FRAS1: variants seen among roughly 807,000 people sequenced by gnomAD.
FRAS1 encodes the protein extracellular matrix organizing protein FRAS1.
A neutral mutation model predicts 435.2 loss-of-function variants in FRAS1; 290 were observed. That is an observed-to-expected ratio of 0.67 (90% CI 0.61 to 0.73). FRAS1 has a LOEUF of 0.73. FRAS1 is among the 30% of genes least tolerant of loss of function. The probability of loss-of-function intolerance (pLI) is 0.00; values close to 1 mark genes in which losing one functional copy is unlikely to be tolerated. For missense variants in FRAS1, 4,860 were observed against 5,001.5 expected (o/e 0.97, Z 0.85); for synonymous variants, 1,800 against 1,851.0 (o/e 0.97, Z 0.71).
chr4:78,200,155 A>G (rs1235796910), intron 2 of FRAS1, among the ~76,000 whole-genome samples: 4 of 152,200 alleles, frequency 2.6e-5, no homozygotes, highest in Non-Finnish European at 5.9e-5. Context: ...TGGATCTGAT[A>G]CTGGATGATG....
intron 2 of FRAS1, among the ~76,000 whole-genome samples, chr4:78,133,062 G>A (rs1246249687): frequency 6.6e-6 from 1 of 152,150 alleles, no homozygotes; most frequent in Non-Finnish European, 1.5e-5. Context: ...GCAACAGAGC[G>A]AGACTCTGCC....
intron 70 of FRAS1, among the ~76,000 whole-genome samples, chr4:78,532,016 T>C (rs1721730845): frequency 6.6e-6 from 1 of 152,212 alleles, no homozygotes; most frequent in African/African-American, 2.4e-5. Context: ...ATTATTGAAA[T>C]AGCCTGTTAA....
At chr4:78,436,036 T>C (rs2109819776) in intron 38 of FRAS1, among the ~76,000 whole-genome samples, 1 of 152,280 alleles carries the variant, frequency 6.6e-6, no homozygotes, top group Non-Finnish European at 1.5e-5. Context: ...AATTTGACTA[T>C]ATTAAAAATT....
rs572053019 is a variant in FRAS1 at position 78,454,525 on chromosome 4, G to A, written c.6763+2171G>A. On this transcript the variant is annotated intron_variant, in intron 47 of 73. Transcript: ENST00000512123. ...GTCCGTAAGTTCCTGGGATAAGTTT[G>A]CAGAGCAGCACCCCCAAGACCTTGG... is the stretch of plus-strand genomic sequence containing the variant. 6.8e-4 allele frequency among the ~76,000 whole-genome samples: 103 copies of A among 152,322 alleles called. 1 individual carries two copies. The Middle Eastern group carries it at 0.024, about 35-fold the overall frequency.
chr4:78,378,787 A>T (rs187638430), intron 26 of FRAS1, among the ~76,000 whole-genome samples: 1 of 152,210 alleles, frequency 6.6e-6, no homozygotes, highest in South Asian at 2.1e-4. Context: ...CTTTGTAGAT[A>T]TATGATTTGC....
chr4:78,239,126 C>T (rs1449583609), intron 3 of FRAS1, among the ~76,000 whole-genome samples: 3 of 152,096 alleles, frequency 2.0e-5, no homozygotes, highest in African/African-American at 7.2e-5. Flanking sequence ...TAAATATTTA[C>T]TATCTGGCCC....
At chr4:78,156,672 C>A (rs1055443381) in intron 2 of FRAS1, among the ~76,000 whole-genome samples, 2 of 151,984 alleles carry the variant, frequency 1.3e-5, no homozygotes, top group Non-Finnish European at 2.9e-5. Flanking sequence ...TAAAAAATGA[C>A]CTCTTTCTTG....
rs965429246 is a variant in FRAS1 at position 78,114,609 on chromosome 4, T to C, written c.108+48593T>C. On this transcript the variant is annotated intron_variant, in intron 2 of 73. Transcript: ENST00000512123. ...GAAGCAATTGTGAATGGGGGTTCAC[T>C]CATGATTTGGCTCTCTGTTTGTCTG... 4.6e-5 allele frequency among the ~76,000 whole-genome samples: 7 copies of C among 151,764 alleles called. No homozygotes were observed. The East Asian group carries it at 9.6e-4, about 21-fold the overall frequency.
chr4:78,247,981 T>G (rs997651761), intron 4 of FRAS1, among the ~76,000 whole-genome samples: 6 of 152,168 alleles, frequency 3.9e-5, no homozygotes, highest in Non-Finnish European at 8.8e-5. Flanking sequence ...AGTGAAGGAC[T>G]GGCTGAGCTA....
At chr4:78,284,326 T>C in intron 12 of FRAS1, 79 bp from the exon 13 acceptor site, 2 of 1,459,522 alleles carry the variant, frequency 1.4e-6, no homozygotes, top group South Asian at 2.3e-5. Flanking sequence ...ACATACTTTG[T>C]AGATTCTTTT....
intron 61 of FRAS1, among the ~76,000 whole-genome samples, 165 bp downstream of exon 61, chr4:78,500,086 C>T (rs1183949629): frequency 1.3e-5 from 2 of 152,062 alleles, no homozygotes; most frequent in Non-Finnish European, 2.9e-5. Context: ...ATTTCTAATT[C>T]GTAAAAATGA....
At chr4:78,129,825 C>G (rs1159095585) in intron 2 of FRAS1, among the ~76,000 whole-genome samples, 1 of 152,170 alleles carries the variant, frequency 6.6e-6, no homozygotes, top group Non-Finnish European at 1.5e-5. Flanking sequence ...AAGACCCATT[C>G]TAATCTAGTT....
chr4:78,517,948 C>A (rs1241798941), intron 66 of FRAS1, among the ~76,000 whole-genome samples: 1 of 151,898 alleles, frequency 6.6e-6, no homozygotes. Context: ...TGGAAATTTT[C>A]TTTAAAAAGA....
intron 2 of FRAS1, among the ~76,000 whole-genome samples, chr4:78,220,669 A>G: frequency 6.6e-6 from 1 of 152,226 alleles, no homozygotes; most frequent in East Asian, 1.9e-4. Context: ...CAAAGCAACA[A>G]AATATTACAG....
At position 78,522,827 on chromosome 4, in the gene FRAS1, G is replaced by T. The variant is rs377751457; in HGVS notation, c.10808+19G>T. On this transcript the variant is annotated intron_variant, in intron 69 of 73. Transcript: ENST00000512123. ...ATAACAGGTAAATACAGTGATGGAG[G>T]CCTCCATGGGTAGAGCTGAATGGTT... The T allele has an allele frequency of 1.3e-6, 2 of 1,581,392 alleles. No individual in the cohort carries two copies. The highest frequency in any genetic ancestry group is 8.6e-7 in the Non-Finnish European group (1 of 1,165,814).
chr4:78,302,771 G>A (rs1728480712), intron 14 of FRAS1, among the ~76,000 whole-genome samples: 1 of 152,108 alleles, frequency 6.6e-6, no homozygotes, highest in African/African-American at 2.4e-5. Flanking sequence ...TTTGTCAGAT[G>A]AGTAGGCTGC....
At chr4:78,091,275 TG>T (rs1741505291) in intron 2 of FRAS1, among the ~76,000 whole-genome samples, 1 of 152,158 alleles carries the variant, frequency 6.6e-6, no homozygotes, top group Non-Finnish European at 1.5e-5. Flanking sequence ...GCCACTCCCT[TG>T]GGTCATGCCA....
At chr4:78,319,340 A>G (rs942096483) in intron 18 of FRAS1, 4 of 464,180 alleles carry the variant, frequency 8.6e-6, no homozygotes, top group Non-Finnish European at 1.7e-5. Flanking sequence ...GCTACTCTGA[A>G]TATGAATTGG....
At chr4:78,068,003 C>A (rs1380487575) in intron 2 of FRAS1, among the ~76,000 whole-genome samples, 2 of 151,702 alleles carry the variant, frequency 1.3e-5, no homozygotes, top group East Asian at 3.9e-4. Context: ...TGAACCTCTT[C>A]AAGCCTGAGA....
Sources: gnomAD v4.1 joint callset for allele counts (sites outside exome capture counted in the v4.1 genomes callset) on GRCh38, gnomAD v4.1.1 for gene constraint, MANE v1.5 for transcripts, NCBI Gene and HGNC (gene_info 2026-07-23, HGNC 2026-07-21) for gene names.